Variants in AFF3 observed in about 807,000 individuals in gnomAD.
AFF3 encodes ALF transcription elongation factor 3.
AFF3 carries 32 observed loss-of-function variants against 129.7 expected under a neutral mutation model. That is an observed-to-expected ratio of 0.25 (90% CI 0.19 to 0.33). AFF3 has a LOEUF of 0.33. Ranked by LOEUF, AFF3 falls within the 10% of genes least tolerant of loss-of-function variation. The pLI is 1.00. For synonymous variants in AFF3, 644 were observed against 635.4 expected, an observed-to-expected ratio of 1.01 and a Z score of -0.20; for missense variants, 1,373 against 1,592.0, an observed-to-expected ratio of 0.86 and a Z score of 2.34.
At chr2:99,815,108 T>C (rs937474485) in intron 8 of AFF3, among the ~76,000 whole-genome samples, 2 of 147,668 alleles carry the variant, frequency 1.4e-5, no homozygotes, top group African/African-American at 2.5e-5. Context: ...ATGGAAGCTA[T>C]GAGATTTCAT....
In AFF3 at chr2:99,977,623, T is replaced by C. The variant is rs139952318; in HGVS notation, c.873+29009A>G. On this transcript the variant is annotated intron_variant, in intron 7 of 24. Coordinates refer to ENST00000672756, the MANE Select transcript of AFF3 (RefSeq NM_001386135.1). ...CTAAGATTGGACCAGTCTTTGCTTT[T>C]CTTTTTGCTGGACAACCTTGTCCCA... 4.6e-5 allele frequency among the ~76,000 whole-genome samples: 7 copies of C among 152,352 alleles called. No homozygotes were observed. The East Asian group carries it at 9.6e-4, about 21-fold the overall frequency.
intron 11 of AFF3, chr2:99,707,299 T>TA (rs1383529549): frequency 5.1e-6 from 5 of 985,210 alleles, no homozygotes; most frequent in Non-Finnish European, 4.8e-6. Context: ...TTTGTCTGGT[T>TA]AGAGATTAAA....
chr2:99,649,480 A>G, intron 13 of AFF3, 146 bp downstream of exon 13: 1 of 858,676 alleles, frequency 1.2e-6, no homozygotes, highest in Non-Finnish European at 1.9e-6. Context: ...CCACACATGC[A>G]TGATAAATCC....
At chr2:100,093,000 A>C (rs1420517408) in intron 4 of AFF3, among the ~76,000 whole-genome samples, 1 of 152,114 alleles carries the variant, frequency 6.6e-6, no homozygotes, top group African/African-American at 2.4e-5. Context: ...ATCTCAACCC[A>C]GACACCTAGA....
At chr2:99,765,059 A>T (rs1224862687) in intron 8 of AFF3, among the ~76,000 whole-genome samples, 1 of 152,168 alleles carries the variant, frequency 6.6e-6, no homozygotes, top group East Asian at 1.9e-4. Flanking sequence ...AAGTGAGCCA[A>T]ATTTCTGATC....
At chr2:100,095,748 A>C (rs963475739) in intron 4 of AFF3, among the ~76,000 whole-genome samples, 1 of 152,274 alleles carries the variant, frequency 6.6e-6, no homozygotes, top group African/African-American at 2.4e-5. Flanking sequence ...TCAGTATCAC[A>C]GAACATGCAA....
intron 7 of AFF3, among the ~76,000 whole-genome samples, chr2:99,921,473 C>T (rs1420593968): frequency 6.6e-6 from 1 of 152,036 alleles, no homozygotes; most frequent in Non-Finnish European, 1.5e-5. Context: ...CAAACAAAGT[C>T]TGTAGTTTAC....
At position 100,006,773 on chromosome 2, in the gene AFF3, G is replaced by A. The variant is rs1470790552; in HGVS notation, c.732C>T (p.Ala244=). 1.2e-6 allele frequency: 2 copies of A among 1,614,184 alleles called. No homozygotes were observed. The highest frequency in any genetic ancestry group is 1.7e-6 in the Non-Finnish European group (2 of 1,180,026). The change falls in exon 7 of 25, where the codon GCC becomes GCT. Residue 244 remains alanine (A), a synonymous_variant. Coordinates refer to ENST00000672756, the MANE Select transcript of AFF3 (RefSeq NM_001386135.1). Reference sequence around the variant, plus strand: ...ACTTCAGCTTAGGAGACTCATCAGGGGCCTGATCTTGGCCGTCCATTGGCC... The same window carrying A: ...ACTTCAGCTTAGGAGACTCATCAGGAGCCTGATCTTGGCCGTCCATTGGCC... ...YVRPMDGQDQ[A]PDESPKLKSS...
chr2:99,806,443 T>C (rs907798452), intron 8 of AFF3, among the ~76,000 whole-genome samples: 1 of 152,142 alleles, frequency 6.6e-6, no homozygotes, highest in Non-Finnish European at 1.5e-5. Flanking sequence ...TGGGAGTGTG[T>C]GCCAGGACCC....
chr2:99,850,410 T>A (rs1238358758), intron 7 of AFF3, among the ~76,000 whole-genome samples: 1 of 152,210 alleles, frequency 6.6e-6, no homozygotes, highest in Non-Finnish European at 1.5e-5. Flanking sequence ...CCACACTGGA[T>A]GCCTCGTGTT....
intron 7 of AFF3, among the ~76,000 whole-genome samples, chr2:99,960,342 C>A (rs1350741217): frequency 6.6e-6 from 1 of 151,864 alleles, no homozygotes; most frequent in Non-Finnish European, 1.5e-5. Context: ...TTTTTAGACT[C>A]AATCTGAACT....
intron 2 of AFF3, among the ~76,000 whole-genome samples, chr2:100,124,046 G>A (rs531770031): frequency 6.6e-6 from 1 of 152,138 alleles, no homozygotes; most frequent in Non-Finnish European, 1.5e-5. Flanking sequence ...ATAAAAGAGA[G>A]TGTTCACAGG....
intron 4 of AFF3, among the ~76,000 whole-genome samples, chr2:100,080,137 G>A (rs1181037575): frequency 6.6e-6 from 1 of 152,176 alleles, no homozygotes; most frequent in Non-Finnish European, 1.5e-5. Context: ...CACCTGCTTT[G>A]CTGCAAATCA....
At chr2:99,708,092 A>G (rs1486520123) in intron 11 of AFF3, among the ~76,000 whole-genome samples, 1 of 152,244 alleles carries the variant, frequency 6.6e-6, no homozygotes, top group Non-Finnish European at 1.5e-5. Context: ...CAAATATTGC[A>G]TGAGACACAT....
At chr2:100,059,957 G>A (rs865969358) in intron 4 of AFF3, among the ~76,000 whole-genome samples, 13 of 151,382 alleles carry the variant, frequency 8.6e-5, no homozygotes, top group African/African-American at 2.9e-4. Context: ...CACAGATAAC[G>A]TTCTGTGTAA....
intron 4 of AFF3, among the ~76,000 whole-genome samples, chr2:100,030,228 T>C (rs940184576): frequency 6.6e-6 from 1 of 152,208 alleles, no homozygotes; most frequent in East Asian, 1.9e-4. Context: ...AAACACCATG[T>C]AATTTTCCTC....
At chr2:99,752,329 A>G in intron 8 of AFF3, 28 bp from the exon 9 acceptor site, 1 of 1,578,346 alleles carries the variant, frequency 6.3e-7, no homozygotes, top group Non-Finnish European at 8.7e-7. Flanking sequence ...AACAAACAAT[A>G]TTGTGATACA....
chr2:99,670,133 C>G (rs1000760424), intron 12 of AFF3, among the ~76,000 whole-genome samples: 2 of 152,138 alleles, frequency 1.3e-5, no homozygotes, highest in African/African-American at 4.8e-5. Flanking sequence ...GGGATTTGAA[C>G]CCTTGAAGTG....
chr2:99,627,108 G>A (rs577095192), intron 13 of AFF3, among the ~76,000 whole-genome samples: 3 of 152,338 alleles, frequency 2.0e-5, no homozygotes, highest in Admixed American at 6.5e-5. Flanking sequence ...TAATGGAATT[G>A]CTGGGTTGAA....
Sources: gnomAD v4.1 joint callset for allele counts (sites outside exome capture counted in the v4.1 genomes callset) on GRCh38, gnomAD v4.1.1 for gene constraint, MANE v1.5 for transcripts, NCBI Gene and HGNC (gene_info 2026-07-23, HGNC 2026-07-21) for gene names.